DCC: variants seen among roughly 807,000 people sequenced by gnomAD.
DCC encodes netrin receptor DCC.
A neutral mutation model predicts 172.5 loss-of-function variants in DCC; 58 were observed. The ratio of observed to expected loss-of-function variants is 0.34; its 90% confidence interval spans 0.27 to 0.42. The LOEUF (loss-of-function observed/expected upper bound fraction) is 0.42. Among genes scored for constraint, DCC ranks in the 10% least tolerant of loss-of-function variants. The probability of loss-of-function intolerance (pLI) is 1.00; values close to 1 mark genes in which losing one functional copy is unlikely to be tolerated. For synonymous variants in DCC, 709 were observed against 644.5 expected, an observed-to-expected ratio of 1.10 and a Z score of -1.52; for missense variants, 1,740 against 1,791.0, an observed-to-expected ratio of 0.97 and a Z score of 0.51.
chr18:52,549,353 C>A (rs180901427), intron 1 of DCC, among the ~76,000 whole-genome samples: 1 of 152,120 alleles, frequency 6.6e-6, no homozygotes, highest in East Asian at 1.9e-4. Context: ...CTAACCAGCT[C>A]CTTCTATCAC....
At chr18:53,112,557 G>A (rs1199866718) in intron 7 of DCC, among the ~76,000 whole-genome samples, 5 of 151,464 alleles carry the variant, frequency 3.3e-5, no homozygotes, top group Non-Finnish European at 7.4e-5. Flanking sequence ...AATTATGGGT[G>A]TATGAATAAT....
Position 52,530,424 on chromosome 18 carries a change from G to A in DCC, c.91+189546G>A, listed in dbSNP as rs184412516. Among the ~76,000 whole-genome samples, 114 of 152,320 alleles carry A rather than the reference G, an allele frequency of 7.5e-4. 1 individual carries two copies. Among genetic ancestry groups the A allele is most frequent in the Admixed American group, 4.8e-3 (74 of 15,304 alleles). Reference sequence around the variant, plus strand: ...TTAAACCCTACTTTTACACTTTCAAGTTGCAATGACTTTGTGATAGTTACT... The same window carrying A: ...TTAAACCCTACTTTTACACTTTCAAATTGCAATGACTTTGTGATAGTTACT... On this transcript the variant is annotated intron_variant, in intron 1 of 28. Coordinates refer to ENST00000442544, the MANE Select transcript of DCC (RefSeq NM_005215.4).
chr18:52,982,995 G>A (rs2041235231), intron 5 of DCC, among the ~76,000 whole-genome samples: 1 of 152,150 alleles, frequency 6.6e-6, no homozygotes, highest in Non-Finnish European at 1.5e-5. Flanking sequence ...GTTTGCCTGG[G>A]AGAGTGCTGG....
At chr18:52,501,848 C>T (rs774137996) in intron 1 of DCC, among the ~76,000 whole-genome samples, 1 of 152,092 alleles carries the variant, frequency 6.6e-6, no homozygotes. Flanking sequence ...CTACTATGTG[C>T]CATTTGCTTT....
At position 53,309,474 on chromosome 18, in the gene DCC, T is replaced by C. The variant is rs74473168; in HGVS notation, c.2053+3755T>C. ...AGGTCACATGCTGATCCTTCAGACA[T>C]GCATGAATTCTAGGGGGATACCATT... On this transcript the variant is annotated intron_variant, in intron 13 of 28. Transcript: ENST00000442544. Among the ~76,000 whole-genome samples, 24 of 152,346 alleles carry C rather than the reference T, an allele frequency of 1.6e-4. 2 individuals carry two copies. The East Asian group carries it at 4.2e-3, about 27-fold the overall frequency.
chr18:52,773,842 A>AT (rs1228136961), intron 2 of DCC, among the ~76,000 whole-genome samples: 4 of 151,558 alleles, frequency 2.6e-5, no homozygotes, highest in African/African-American at 9.7e-5. Flanking sequence ...ATATATATAT[A>AT]TTTTTTAAAG....
rs113060000 is a variant in DCC, at chr18:52,628,986, A to AT, written c.92-123064dup. Reference sequence around the variant, plus strand: ...AGGATTTGTTACACTCTCTGAAGCCATTTTCTTAGCGGTGCATGGCTGAAA... The same window carrying AT: ...AGGATTTGTTACACTCTCTGAAGCCATTTTTCTTAGCGGTGCATGGCTGAAA... On this transcript the variant is annotated intron_variant, in intron 1 of 28. Coordinates refer to ENST00000442544, the MANE Select transcript of DCC (RefSeq NM_005215.4). 9.8e-3 allele frequency among the ~76,000 whole-genome samples: 1,487 copies of AT among 152,238 alleles called. 29 individuals are homozygous for AT. Among genetic ancestry groups the AT allele is most frequent in the African/African-American group, 0.034 (1,398 of 41,554 alleles).
intron 12 of DCC, among the ~76,000 whole-genome samples, chr18:53,247,649 T>A (rs1455521411): frequency 6.6e-6 from 1 of 152,036 alleles, no homozygotes; most frequent in African/African-American, 2.4e-5. Flanking sequence ...ACGTATTAAA[T>A]ACATTTTTAT....
chr18:53,483,685 A>G (rs1443651942), intron 25 of DCC, among the ~76,000 whole-genome samples: 1 of 151,880 alleles, frequency 6.6e-6, no homozygotes, highest in African/African-American at 2.4e-5. Flanking sequence ...TAAAATTTAT[A>G]TAAACCAAAA....
At position 53,163,636 on chromosome 18, in the gene DCC, C is replaced by A. The variant is rs58313011; in HGVS notation, c.1418+6124C>A. Among the ~76,000 whole-genome samples the A allele has an allele frequency of 4.1e-3, 619 of 151,946 alleles. 2 individuals carry two copies. The highest frequency in any genetic ancestry group is 0.014 in the African/African-American group (598 of 41,442). On this transcript the variant is annotated intron_variant, in intron 8 of 28. Transcript: ENST00000442544. ...ATAATGCAAGTGCCATAATTCAAAT[C>A]TTTTTATCCAACCCCTTGGGGTGCT...
chr18:53,234,072 G>A (rs1483568970), intron 12 of DCC, among the ~76,000 whole-genome samples: 1 of 152,140 alleles, frequency 6.6e-6, no homozygotes, highest in Non-Finnish European at 1.5e-5. Context: ...CCAACATGGA[G>A]AAACACCATC....
chr18:52,879,412 C>CTTTTTTGTTTTTTTTT (rs2039448543), intron 2 of DCC, among the ~76,000 whole-genome samples: 1 of 62,356 alleles, frequency 1.6e-5, no homozygotes, highest in Non-Finnish European at 2.9e-5. Context: ...TGTTGTTTGG[C>CTTTTTTGTTTTTTTTT]TTTTTTTTTT....
chr18:53,108,110 T>G (rs1230579775), intron 7 of DCC, among the ~76,000 whole-genome samples: 1 of 151,746 alleles, frequency 6.6e-6, no homozygotes, highest in Admixed American at 6.6e-5. Flanking sequence ...TGTGTTTGCT[T>G]TCTTTTATAT....
intron 1 of DCC, among the ~76,000 whole-genome samples, chr18:52,612,574 A>G (rs1031391039): frequency 6.8e-6 from 1 of 146,006 alleles, no homozygotes; most frequent in Admixed American, 6.6e-5. Context: ...AGGCATTAAC[A>G]TGACTGAACC....
chr18:53,241,582 A>T (rs2056295367), intron 12 of DCC, among the ~76,000 whole-genome samples: 1 of 152,150 alleles, frequency 6.6e-6, no homozygotes, highest in East Asian at 1.9e-4. Flanking sequence ...AGTGTCTTCA[A>T]GGTTTTCTTC....
intron 5 of DCC, among the ~76,000 whole-genome samples, chr18:52,967,059 T>C (rs2040944894): frequency 6.6e-6 from 1 of 152,176 alleles, no homozygotes; most frequent in Admixed American, 6.5e-5. Flanking sequence ...AGAAGCAGCA[T>C]GCTTAAATCC....
chr18:52,832,905 C>T (rs558828412), intron 2 of DCC, among the ~76,000 whole-genome samples: 3 of 152,134 alleles, frequency 2.0e-5, no homozygotes, highest in East Asian at 3.9e-4. Context: ...CAATTCCAGA[C>T]ATTACTAAAT....
At chr18:53,328,024 C>T (rs1382070632) in intron 14 of DCC, among the ~76,000 whole-genome samples, 1 of 152,126 alleles carries the variant, frequency 6.6e-6, no homozygotes, top group Non-Finnish European at 1.5e-5. Context: ...TCATCTTACA[C>T]ATAAGGAGCA....
intron 2 of DCC, among the ~76,000 whole-genome samples, chr18:52,869,729 C>T (rs1284239709): frequency 1.3e-5 from 2 of 152,212 alleles, no homozygotes; most frequent in African/African-American, 4.8e-5. Flanking sequence ...CCAAAGTCTG[C>T]TGGCGTGTCA....
Sources: gnomAD v4.1 joint callset for allele counts (sites outside exome capture counted in the v4.1 genomes callset) on GRCh38, gnomAD v4.1.1 for gene constraint, MANE v1.5 for transcripts, NCBI Gene and HGNC (gene_info 2026-07-23, HGNC 2026-07-21) for gene names.